The following APOL1 variants were observed in gnomAD, a reference collection of about 807,000 sequenced individuals.
APOL1 encodes the protein apolipoprotein L 1.
A neutral mutation model predicts 14.9 loss-of-function variants in APOL1; 17 were observed. The ratio of observed to expected loss-of-function variants is 1.14; its 90% confidence interval spans 0.78 to 1.71. APOL1 has a LOEUF of 1.71. APOL1 is among the 40% of genes most tolerant of loss of function. The pLI, the probability that APOL1 is intolerant of heterozygous loss-of-function variation, is 0.00. For missense variants in APOL1, 523 were observed against 485.9 expected, an observed-to-expected ratio of 1.08 and a Z score of -0.72; for synonymous variants, 195 against 184.8, an observed-to-expected ratio of 1.05 and a Z score of -0.45.
Position 36,261,485 on chromosome 22 carries a change from G to C in APOL1, c.188-111G>C, listed in dbSNP as rs2016068936. 2.5e-6 allele frequency: 3 copies of C among 1,219,578 alleles called. No homozygotes were observed. In the Admixed American group the frequency reaches 5.8e-5, roughly 23 times the overall value. 75.5% of individuals were successfully genotyped at this position (1,219,578 alleles called of 1,614,324 possible). On this transcript the variant is annotated intron_variant, in intron 4 of 5. Transcript: ENST00000397278. ...TAGCACTAATGACTCCATAAAACAA[G>C]TCCCACATCACAGCTGTCCAGGAAA...
intron 4 of APOL1, among the ~76,000 whole-genome samples, 171 bp from the exon 5 acceptor site, chr22:36,261,425 A>T (rs1267656967): frequency 6.6e-6 from 1 of 152,126 alleles, no homozygotes; most frequent in Non-Finnish European, 1.5e-5. Context: ...TTAAAGCTTC[A>T]GCATATGAAT....
chr22:36,265,475 G>T lies in APOL1; in HGVS notation c.639G>T (p.Glu213Asp). 1 of 1,614,140 alleles carries T rather than the reference G, an allele frequency of 6.2e-7. No homozygotes were observed. Among genetic ancestry groups the T allele is most frequent in the South Asian group, 1.1e-5 (1 of 91,088 alleles). Residue 213 changes from glutamate to aspartate, a missense_variant, in exon 6 of 6, where the codon GAG becomes GAT. Transcript: ENST00000397278. Reference protein sequence around the residue: ...GSLVLLEPGMELGITAALTGI... With the variant: ...GSLVLLEPGMDLGITAALTGI... Reference sequence around the variant, plus strand: ...TTGTACTCTTGGAACCTGGGATGGAGTTGGGAATCACAGCCGCTTTGACCG... The same window carrying T: ...TTGTACTCTTGGAACCTGGGATGGATTTGGGAATCACAGCCGCTTTGACCG...
Position 36,263,517 on chromosome 22 carries a change from G to T in APOL1, c.315-1634G>T, listed in dbSNP as rs527526576. On this transcript the variant is annotated intron_variant, in intron 5 of 5. Transcript: ENST00000397278. The stretch of plus-strand genomic sequence containing the variant: ...AAACTGCTATTTCACAATTGTGGTT[G>T]ATCACACGGAAAGAACACAGATTAA... Among the ~76,000 whole-genome samples, 6 of 152,334 alleles carry T rather than the reference G, an allele frequency of 3.9e-5. No homozygotes were observed. The East Asian group carries it at 5.8e-4, about 15-fold the overall frequency.
rs1047304288 is a variant in APOL1 at position 36,253,175 on chromosome 22, G to A, written c.-64G>A. On this transcript the variant is annotated 5_prime_UTR_variant, in exon 1 of 6. Coordinates refer to ENST00000397278, the MANE Select transcript of APOL1 (RefSeq NM_003661.4). ...CTGGAGGTGGGATCCACACAGCTCA[G>A]AACAGCTGGATCTTGCTCAGTCTCT... is the stretch of plus-strand genomic sequence containing the variant. 1.4e-5 allele frequency: 7 copies of A among 505,388 alleles called. No individual in the cohort carries two copies. Among genetic ancestry groups the A allele is most frequent in the Non-Finnish European group, 2.8e-5 (7 of 253,242 alleles). The allele number at this position is 505,388 out of a possible 1,614,324, so 31.3% of individuals were successfully genotyped here.
chr22:36,262,136 G>T (rs1448318914), intron 5 of APOL1, among the ~76,000 whole-genome samples: 7 of 152,216 alleles, frequency 4.6e-5, no homozygotes, highest in African/African-American at 1.7e-4. Context: ...CCAGGGTTAA[G>T]GATCTTCTTC....
chr22:36,257,933 G>T (rs767656247), intron 4 of APOL1, among the ~76,000 whole-genome samples: 1 of 152,136 alleles, frequency 6.6e-6, no homozygotes, highest in Admixed American at 6.5e-5. Context: ...ACTGGACCCC[G>T]GTCTGTCCTT....
At position 36,254,933 on chromosome 22, in the gene APOL1, C is replaced by A; in HGVS notation, c.-19-4C>A. Reference sequence around the variant, plus strand: ...CTGTCTCAACCCCTCTTTTCCTGCTCAAGGAGGAGGCCCTGCAGCGACATG... The same window carrying A: ...CTGTCTCAACCCCTCTTTTCCTGCTAAAGGAGGAGGCCCTGCAGCGACATG... On this transcript the variant is annotated splice_polypyrimidine_tract_variant and splice_region_variant and intron_variant, in intron 1 of 5. Transcript: ENST00000397278. 1 of 1,613,802 alleles carries A rather than the reference C, an allele frequency of 6.2e-7. No homozygotes were observed. The highest frequency in any genetic ancestry group is 8.5e-7 in the Non-Finnish European group (1 of 1,179,790).
chr22:36,253,160 G>T lies in APOL1; in HGVS notation c.-79G>T. ...TATACAGACGCATAACTGGAGGTGG[G>T]ATCCACACAGCTCAGAACAGCTGGA... is the stretch of plus-strand genomic sequence containing the variant. On this transcript the variant is annotated 5_prime_UTR_variant, in exon 1 of 6. Transcript: ENST00000397278. The T allele has an allele frequency of 2.0e-6, 1 of 504,462 alleles. No homozygotes were observed. Among genetic ancestry groups the T allele is most frequent in the Non-Finnish European group, 4.0e-6 (1 of 252,738 alleles). The allele number at this position is 504,462 out of a possible 1,614,324, so 31.2% of individuals were successfully genotyped here. A position where few individuals can be genotyped will look rare whatever the true frequency, so the allele number is the denominator to read the frequency against.
chr22:36,259,808 TG>T, intron 4 of APOL1: 1 of 1,304,236 alleles, frequency 7.7e-7, no homozygotes. Flanking sequence ...CCCCCTCCAC[TG>T]CCCATCTGAG....
chr22:36,261,783 G>C (rs1177473521), intron 5 of APOL1, 61 bp downstream of exon 5: 5 of 1,562,034 alleles, frequency 3.2e-6, no homozygotes, highest in Non-Finnish European at 4.4e-6. Flanking sequence ...CTCTCCCCTG[G>C]GCTAGTTTTC....
chr22:36,254,505 T>A (rs144109026), intron 1 of APOL1, among the ~76,000 whole-genome samples: 1 of 152,126 alleles, frequency 6.6e-6, no homozygotes, highest in African/African-American at 2.4e-5. Context: ...AGATCTAGGC[T>A]GCAATGAGCT....
Position 36,261,630 on chromosome 22 carries a change from T to A in APOL1, c.222T>A (p.Tyr74Ter), listed in dbSNP as rs768448236. Residue 74 changes from tyrosine (Y) to a stop codon, truncating the protein, a stop_gained, in exon 5 of 6, where the codon TAT becomes TAA. Transcript: ENST00000397278. LOFTEE classifies it high-confidence loss of function. ...SSIFIEDAIK[Y>*]FKEKVSTQNL... is the part of the protein sequence containing the mutation. ...TCTTTATTGAGGATGCCATTAAGTA[T>A]TTCAAGGAAAAAGTGAGCACACAGA... The A allele has an allele frequency of 6.2e-7, 1 of 1,613,960 alleles. No homozygotes were observed. Among genetic ancestry groups the A allele is most frequent in the Non-Finnish European group, 8.5e-7 (1 of 1,179,862 alleles).
intron 4 of APOL1, chr22:36,259,638 C>A (rs1306060523): frequency 6.3e-6 from 8 of 1,272,922 alleles, no homozygotes; most frequent in African/African-American, 3.1e-5. Flanking sequence ...ACTCTCCCCC[C>A]AAAACAAGAT....
rs371476076 is a variant in APOL1 at position 36,257,410 on chromosome 22, A to G, written c.187+3A>G. ...GGCTGCTGGCACCATGGACCCAGGT[A>G]GGCTCACCTCCTCTTCCCTGCTGGT... On this transcript the variant is annotated splice_donor_region_variant and intron_variant, in intron 4 of 5. Coordinates refer to ENST00000397278, the MANE Select transcript of APOL1 (RefSeq NM_003661.4). 2.5e-6 allele frequency: 4 copies of G among 1,613,048 alleles called. No homozygotes were observed. The highest frequency in any genetic ancestry group is 3.4e-6 in the Non-Finnish European group (4 of 1,179,120).
intron 4 of APOL1, 81 bp downstream of exon 4, chr22:36,257,488 A>T: frequency 7.2e-7 from 1 of 1,391,578 alleles, no homozygotes; most frequent in Non-Finnish European, 1.0e-6. Flanking sequence ...AGTGAGCCCC[A>T]GAAGAACCCG....
chr22:36,257,696 C>CA (rs113115530), intron 4 of APOL1: 63 of 212,306 alleles, frequency 3.0e-4, no homozygotes, highest in South Asian at 4.9e-4. Flanking sequence ...GTGGAATCAG[C>CA]GGGGGGGGGG....
At chr22:36,259,700 G>A (rs1054028835) in intron 4 of APOL1, 224 of 1,303,718 alleles carry the variant, frequency 1.7e-4, no homozygotes, top group Non-Finnish European at 2.1e-4. Context: ...ACAGTGGAGA[G>A]CCGTGTACCC....
At chr22:36,257,224 A>G (rs1472648978) in intron 3 of APOL1, 88 bp downstream of exon 3, 2 of 1,606,430 alleles carry the variant, frequency 1.2e-6, no homozygotes, top group East Asian at 2.2e-5. Context: ...CTTCCACCCC[A>G]GAGAGATTTG....
Position 36,255,474 on chromosome 22 carries a change from G to A in APOL1, c.44+475G>A, listed in dbSNP as rs181422154. On this transcript the variant is annotated intron_variant, in intron 2 of 5. Coordinates refer to ENST00000397278, the MANE Select transcript of APOL1 (RefSeq NM_003661.4). ...TCTCCTGTCACCCTTGTCCCTTACA[G>A]CAAGAAGGGCCCAGACGCCCCTCTG... is the stretch of plus-strand genomic sequence containing the variant. Among the ~76,000 whole-genome samples, 816 of 152,086 alleles carry A rather than the reference G, an allele frequency of 5.4e-3. 2 individuals carry two copies. The highest frequency in any genetic ancestry group is 7.0e-3 in the Non-Finnish European group (477 of 67,938).
Sources: allele counts gnomAD v4.1 joint callset (sites outside exome capture counted in the v4.1 genomes callset), GRCh38; gene constraint gnomAD v4.1.1; transcripts MANE v1.5; gene names NCBI Gene and HGNC (gene_info 2026-07-23, HGNC 2026-07-21).